Variants in INSR observed in about 807,000 individuals in gnomAD.
INSR encodes the protein insulin receptor.
INSR carries 67 observed loss-of-function variants against 142.6 expected under a neutral mutation model. The ratio of observed to expected loss-of-function variants is 0.47; its 90% CI spans 0.39 to 0.58. The LOEUF (loss-of-function observed/expected upper bound fraction) is 0.58. INSR is among the 20% of genes least tolerant of loss of function. The pLI is 0.00. For missense variants in INSR, 1,248 were observed against 1,833.2 expected (o/e 0.68, Z 5.83); for synonymous variants, 756 against 743.1 (o/e 1.02, Z -0.28).
At chr19:7,151,074 C>CT (rs1973327232) in intron 10 of INSR, among the ~76,000 whole-genome samples, 1 of 135,048 alleles carries the variant, frequency 7.4e-6, no homozygotes, top group Non-Finnish European at 1.6e-5. Context: ...CTTTCTTTTC[C>CT]TTTTTTCCTT....
At chr19:7,120,204 C>A (rs1465848184) in intron 20 of INSR, among the ~76,000 whole-genome samples, 4 of 152,216 alleles carry the variant, frequency 2.6e-5, no homozygotes, top group African/African-American at 9.7e-5. Context: ...AACCTGGAAG[C>A]TCCCTCCCCA....
At chr19:7,138,626 C>T (rs1972997243) in intron 13 of INSR, among the ~76,000 whole-genome samples, 1 of 152,148 alleles carries the variant, frequency 6.6e-6, no homozygotes, top group South Asian at 2.1e-4. Flanking sequence ...CCCACCTCAG[C>T]TTCCTGAGTC....
At chr19:7,246,969 G>C (rs1976556624) in intron 2 of INSR, among the ~76,000 whole-genome samples, 1 of 134,712 alleles carries the variant, frequency 7.4e-6, no homozygotes, top group African/African-American at 3.8e-5. Flanking sequence ...TTGCTACACA[G>C]GAAAAGCTAG....
At chr19:7,224,829 G>C (rs1786460070) in intron 2 of INSR, among the ~76,000 whole-genome samples, 1 of 151,944 alleles carries the variant, frequency 6.6e-6, no homozygotes, top group African/African-American at 2.4e-5. Flanking sequence ...AGAGACCTAG[G>C]GCTGTAAGGA....
At chr19:7,236,433 C>G (rs1976161320) in intron 2 of INSR, among the ~76,000 whole-genome samples, 1 of 152,202 alleles carries the variant, frequency 6.6e-6, no homozygotes, top group African/African-American at 2.4e-5. Context: ...ACCCAAATGT[C>G]TCTCAACAGC....
At chr19:7,235,288 C>T (rs1282995279) in intron 2 of INSR, among the ~76,000 whole-genome samples, 1 of 152,146 alleles carries the variant, frequency 6.6e-6, no homozygotes, top group Non-Finnish European at 1.5e-5. Context: ...CATTAGACCA[C>T]TGCTATGCTC....
chr19:7,203,317 C>G (rs1975018822), intron 2 of INSR, among the ~76,000 whole-genome samples: 1 of 152,150 alleles, frequency 6.6e-6, no homozygotes, highest in Non-Finnish European at 1.5e-5. Flanking sequence ...CCTGAAAACG[C>G]CTCGCGCCTT....
At chr19:7,257,158 G>A (rs1043435096) in intron 2 of INSR, among the ~76,000 whole-genome samples, 1 of 151,934 alleles carries the variant, frequency 6.6e-6, no homozygotes, top group Admixed American at 6.6e-5. Context: ...GGCCCAGGGT[G>A]GTCTCGAACT....
chr19:7,279,127 C>CA lies in INSR; in HGVS notation c.101-11232dup, dbSNP rs1968140225. ...TGGGTGACAGAGTGACACTCCATCT[C>CA]AAAAAAAGAAAAGAAATAAAATAAA... On this transcript the variant is annotated intron_variant, in intron 1 of 21. Coordinates refer to ENST00000302850, the MANE Select transcript of INSR (RefSeq NM_000208.4). Among the ~76,000 whole-genome samples, 6 of 150,912 alleles carry CA rather than the reference C, an allele frequency of 4.0e-5. No individual in the cohort carries two copies. The South Asian group carries it at 1.0e-3, about 26-fold the overall frequency.
intron 16 of INSR, among the ~76,000 whole-genome samples, chr19:7,126,119 C>T (rs2144816116): frequency 6.6e-6 from 1 of 152,312 alleles, no homozygotes; most frequent in East Asian, 1.9e-4. Context: ...AAGCCTGAGC[C>T]AGCCTGCTGG....
chr19:7,201,655 T>C (rs1021784505), intron 2 of INSR, among the ~76,000 whole-genome samples: 1 of 139,994 alleles, frequency 7.1e-6, no homozygotes, highest in African/African-American at 2.7e-5. Context: ...ATAAATTACA[T>C]CTATTTTCAT....
chr19:7,281,655 G>A (rs957934322), intron 1 of INSR, among the ~76,000 whole-genome samples: 2 of 151,888 alleles, frequency 1.3e-5, no homozygotes, highest in Non-Finnish European at 2.9e-5. Flanking sequence ...CACTCCAGCC[G>A]GGATGACAGA....
At chr19:7,200,694 AT>A (rs1187113048) in intron 2 of INSR, among the ~76,000 whole-genome samples, 3 of 151,704 alleles carry the variant, frequency 2.0e-5, no homozygotes, top group Non-Finnish European at 2.9e-5. Context: ...AAAATTAAAG[AT>A]TAAAAAAAAT....
chr19:7,261,523 CT>C (rs1266255590), intron 2 of INSR, among the ~76,000 whole-genome samples: 1 of 151,768 alleles, frequency 6.6e-6, no homozygotes, highest in Non-Finnish European at 1.5e-5. Flanking sequence ...TTTAATTCCC[CT>C]AACCATTTTT....
At chr19:7,133,153 T>A (rs1972827399) in intron 13 of INSR, among the ~76,000 whole-genome samples, 1 of 151,968 alleles carries the variant, frequency 6.6e-6, no homozygotes, top group Non-Finnish European at 1.5e-5. Context: ...TCCCAGCTAC[T>A]CAGGAGGCTA....
At chr19:7,156,173 G>C (rs1465384614) in intron 9 of INSR, among the ~76,000 whole-genome samples, 2 of 142,062 alleles carry the variant, frequency 1.4e-5, no homozygotes, top group East Asian at 4.5e-4. Context: ...TGAGTCTCCT[G>C]CCTCAGCCTC....
chr19:7,280,296 A>T (rs1968173094), intron 1 of INSR, among the ~76,000 whole-genome samples: 1 of 151,540 alleles, frequency 6.6e-6, no homozygotes, highest in African/African-American at 2.4e-5. Context: ...AACAAAACAA[A>T]GGCTGGGTGC....
rs772595348 is a variant in INSR at position 7,215,615 on chromosome 19, T to A, written c.653-30978A>T. Reference sequence around the variant, plus strand: ...TGGAGTCTTGCTCTGTCACCCAGGCTGGAGTGCAGTGGCATGATCTTGGCT... The same window carrying A: ...TGGAGTCTTGCTCTGTCACCCAGGCAGGAGTGCAGTGGCATGATCTTGGCT... On this transcript the variant is annotated intron_variant, in intron 2 of 21. Transcript: ENST00000302850. Among the ~76,000 whole-genome samples the A allele has an allele frequency of 2.8e-4, 42 of 151,972 alleles. 1 individual carries two copies. Among genetic ancestry groups the A allele is most frequent in the Admixed American group, 9.8e-4 (15 of 15,248 alleles).
At chr19:7,136,826 T>TAC (rs1165089628) in intron 13 of INSR, among the ~76,000 whole-genome samples, 1 of 21,402 alleles carries the variant, frequency 4.7e-5, no homozygotes, top group Non-Finnish European at 9.0e-5. Context: ...TTTATTTATT[T>TAC]ACATATATAT....
Sources: allele counts gnomAD v4.1 joint callset (sites outside exome capture counted in the v4.1 genomes callset), GRCh38; gene constraint gnomAD v4.1.1; transcripts MANE v1.5; gene names NCBI Gene and HGNC (gene_info 2026-07-23, HGNC 2026-07-21).